The following ARHGEF3 variants were observed in gnomAD, a reference collection of about 807,000 sequenced individuals.
ARHGEF3 encodes 59.8 kDA protein.
In ARHGEF3, 28 loss-of-function variants were observed where a neutral mutation model predicts 63.2. That is an observed-to-expected ratio of 0.44 (90% CI 0.33 to 0.61). The LOEUF is 0.61. ARHGEF3 is among the 20% of genes least tolerant of loss of function. The pLI is 0.03. For missense variants in ARHGEF3, 533 were observed against 659.3 expected, an observed-to-expected ratio of 0.81 and a Z score of 2.10; for synonymous variants, 266 against 254.2, an observed-to-expected ratio of 1.05 and a Z score of -0.44.
rs535470334 is a variant in ARHGEF3 at position 56,775,232 on chromosome 3, A to C, written c.97-1416T>G. On this transcript the variant is annotated intron_variant, in intron 1 of 9. Coordinates refer to ENST00000296315, the MANE Select transcript of ARHGEF3 (RefSeq NM_019555.3). The stretch of plus-strand genomic sequence containing the variant: ...ATTTCTGCATCCCCGTTCTGAACAT[A>C]GTAGGTGCCTGGAAAAATCTTTCGT... 7 of 1,326,616 alleles carry C rather than the reference A, an allele frequency of 5.3e-6. No homozygotes were observed. In the South Asian group the frequency reaches 8.2e-5, roughly 15 times the overall value. The allele number at this position is 1,326,616 out of a possible 1,614,324, so 82.2% of individuals were successfully genotyped here. A position where few individuals can be genotyped will look rare whatever the true frequency, so the allele number is the denominator to read the frequency against.
chr3:56,992,375 T>TAAAAAAAAAAAAAAAAAAAAA, intron 2 of ARHGEF3, among the ~76,000 whole-genome samples: 1 of 46,154 alleles, frequency 2.2e-5, no homozygotes, highest in South Asian at 7.1e-4. Context: ...AGGATGGCTT[T>TAAAAAAAAAAAAAAAAAAAAA]AAAAAAAAAA....
At chr3:56,918,850 A>T (rs767677225) in intron 3 of ARHGEF3, among the ~76,000 whole-genome samples, 3 of 152,252 alleles carry the variant, frequency 2.0e-5, no homozygotes, top group Non-Finnish European at 2.9e-5. Flanking sequence ...TAATAGTAAC[A>T]TAGCATCACT....
chr3:57,076,381 A>C (rs551646390), intron 1 of ARHGEF3, among the ~76,000 whole-genome samples: 35 of 152,300 alleles, frequency 2.3e-4, no homozygotes, highest in Admixed American at 2.0e-3. Context: ...AGAGAACTTT[A>C]GAGATGGATA....
intron 7 of ARHGEF3, among the ~76,000 whole-genome samples, chr3:56,738,398 C>T (rs1035613686): frequency 6.6e-6 from 1 of 151,940 alleles, no homozygotes; most frequent in African/African-American, 2.4e-5. Context: ...TCTTGAACTC[C>T]TCAGCTCAAG....
intron 3 of ARHGEF3, among the ~76,000 whole-genome samples, chr3:56,950,702 A>T (rs1353627866): frequency 6.6e-6 from 1 of 152,090 alleles, no homozygotes; most frequent in African/African-American, 2.4e-5. Flanking sequence ...TAGTCCAACC[A>T]TTGTGGAAGT....
intron 3 of ARHGEF3, among the ~76,000 whole-genome samples, chr3:56,951,851 T>C (rs928161801): frequency 6.6e-6 from 1 of 151,954 alleles, no homozygotes; most frequent in African/African-American, 2.4e-5. Flanking sequence ...TCCAAACAGA[T>C]GCTGGCCAAG....
At chr3:56,753,907 A>G (rs1320414498) in intron 3 of ARHGEF3, among the ~76,000 whole-genome samples, 1 of 152,210 alleles carries the variant, frequency 6.6e-6, no homozygotes, top group African/African-American at 2.4e-5. Context: ...CCTTGTTGTG[A>G]GAGGCCATCA....
chr3:56,873,758 C>T (rs140076689), intron 4 of ARHGEF3, among the ~76,000 whole-genome samples: 126 of 152,184 alleles, frequency 8.3e-4, no homozygotes, highest in African/African-American at 2.7e-3. Context: ...GGCATTGTTA[C>T]GATTTCTGTT....
intron 2 of ARHGEF3, among the ~76,000 whole-genome samples, chr3:56,969,944 G>C (rs1029004335): frequency 6.6e-6 from 1 of 151,928 alleles, no homozygotes; most frequent in African/African-American, 2.4e-5. Flanking sequence ...CAGACACAAG[G>C]GATACATATT....
chr3:57,000,967 T>A (rs1296566180), intron 2 of ARHGEF3, among the ~76,000 whole-genome samples: 1 of 152,146 alleles, frequency 6.6e-6, no homozygotes, highest in Non-Finnish European at 1.5e-5. Flanking sequence ...AGAGACAGGG[T>A]CTTGCTTTGT....
chr3:57,003,025 C>G, intron 2 of ARHGEF3, among the ~76,000 whole-genome samples: 1 of 151,772 alleles, frequency 6.6e-6, no homozygotes, highest in African/African-American at 2.4e-5. Flanking sequence ...CCACCTCGGC[C>G]TCCCAAAGTG....
At chr3:57,017,874 TC>T (rs997441660) in intron 2 of ARHGEF3, among the ~76,000 whole-genome samples, 7 of 152,118 alleles carry the variant, frequency 4.6e-5, no homozygotes, top group African/African-American at 1.7e-4. Context: ...CTCTCCCAGC[TC>T]CCAGTGCTAA....
chr3:56,864,153 C>T (rs2108200976), intron 4 of ARHGEF3, among the ~76,000 whole-genome samples: 1 of 152,264 alleles, frequency 6.6e-6, no homozygotes, highest in Non-Finnish European at 1.5e-5. Flanking sequence ...TAAATGACAC[C>T]CCTGCCTAAC....
At chr3:56,748,798 G>GA (rs968309901) in intron 6 of ARHGEF3, among the ~76,000 whole-genome samples, 13 of 152,088 alleles carry the variant, frequency 8.5e-5, no homozygotes, top group African/African-American at 3.1e-4. Context: ...GTAGTTCCCT[G>GA]AAAAAAAGCA....
chr3:56,940,477 A>T (rs1183085290), intron 3 of ARHGEF3: 2 of 152,264 alleles, frequency 1.3e-5, no homozygotes, highest in East Asian at 3.9e-4. Context: ...GACCTCACAT[A>T]TGGCCAGAAA....
At chr3:56,925,192 G>C (rs994000352) in intron 3 of ARHGEF3, among the ~76,000 whole-genome samples, 1 of 152,226 alleles carries the variant, frequency 6.6e-6, no homozygotes, top group African/African-American at 2.4e-5. Context: ...GGGTAGACTG[G>C]GTAGCCACAG....
At chr3:56,948,099 T>C (rs1417317791) in intron 3 of ARHGEF3, among the ~76,000 whole-genome samples, 2 of 152,076 alleles carry the variant, frequency 1.3e-5, no homozygotes, top group African/African-American at 4.8e-5. Context: ...AGACACAACA[T>C]ACCAGAATCT....
At chr3:57,005,411 T>G (rs1304961932) in intron 2 of ARHGEF3, among the ~76,000 whole-genome samples, 1 of 152,130 alleles carries the variant, frequency 6.6e-6, no homozygotes, top group African/African-American at 2.4e-5. Flanking sequence ...ACAGTAGAAA[T>G]GTCTGTGGCA....
At chr3:56,971,519 C>G (rs961819366) in intron 2 of ARHGEF3, among the ~76,000 whole-genome samples, 2 of 152,064 alleles carry the variant, frequency 1.3e-5, no homozygotes, top group Non-Finnish European at 1.5e-5. Context: ...GATGGACAGT[C>G]AGGCCCCAAC....
Sources: allele counts gnomAD v4.1 joint callset (sites outside exome capture counted in the v4.1 genomes callset), GRCh38; gene constraint gnomAD v4.1.1; transcripts MANE v1.5; gene names NCBI Gene and HGNC (gene_info 2026-07-23, HGNC 2026-07-21).